The following SUPT3H variants were observed in gnomAD, a reference collection of about 807,000 sequenced individuals.
SUPT3H encodes SPT3 homolog, SAGA and STAGA complex component.
A neutral mutation model predicts 44.3 loss-of-function variants in SUPT3H; 44 were observed. That is an observed-to-expected ratio of 0.99 (90% CI 0.78 to 1.28). The LOEUF is 1.28. SUPT3H is among the 50% of genes most tolerant of loss of function. The pLI is 0.00. For synonymous variants in SUPT3H, 124 were observed against 125.6 expected (o/e 0.99, Z 0.09); for missense variants, 380 against 387.1 (o/e 0.98, Z 0.15).
At chr6:45,007,344 C>T (rs985439903) in intron 5 of SUPT3H, among the ~76,000 whole-genome samples, 1 of 151,940 alleles carries the variant, frequency 6.6e-6, no homozygotes, top group Admixed American at 6.6e-5. Flanking sequence ...TTAATAATTG[C>T]CTCTCCTCCA....
At chr6:45,150,720 G>GT (rs11319902) in intron 2 of SUPT3H, among the ~76,000 whole-genome samples, 39,677 of 99,064 alleles carry the variant, frequency 0.4, 10,459 homozygotes, top group East Asian at 0.68. Flanking sequence ...TTTATTCTGC[G>GT]TTTTTTTTTT....
intron 10 of SUPT3H, among the ~76,000 whole-genome samples, chr6:44,880,630 A>C (rs1325036296): frequency 6.6e-6 from 1 of 152,196 alleles, no homozygotes; most frequent in Admixed American, 6.5e-5. Context: ...TAATCATCAG[A>C]TTCACCAAGG....
intron 6 of SUPT3H, among the ~76,000 whole-genome samples, chr6:45,002,005 C>T (rs1022730878): frequency 6.6e-6 from 1 of 152,016 alleles, no homozygotes; most frequent in African/African-American, 2.4e-5. Context: ...AATATAAAAG[C>T]TACTCTGTTA....
Position 44,902,913 on chromosome 6 carries a change from C to T in SUPT3H, c.912+29740G>A, listed in dbSNP as rs191728654. 3.4e-3 allele frequency among the ~76,000 whole-genome samples: 511 copies of T among 152,258 alleles called. 1 individual carries two copies. Among genetic ancestry groups the T allele is most frequent in the Non-Finnish European group, 4.8e-3 (328 of 68,018 alleles). ...GCTCAACTACATGGAAACTGAACAA[C>T]CTGCTCCTGAATGACTACTGGGTAC... is the stretch of plus-strand genomic sequence containing the variant. On this transcript the variant is annotated intron_variant, in intron 10 of 10. Coordinates refer to ENST00000371459, the MANE Select transcript of SUPT3H (RefSeq NM_003599.4).
chr6:45,296,591 T>C (rs1781266305), intron 2 of SUPT3H, among the ~76,000 whole-genome samples: 1 of 150,662 alleles, frequency 6.6e-6, no homozygotes, highest in African/African-American at 2.4e-5. Context: ...ATATAAAAAT[T>C]AGCGAGGCGT....
At chr6:45,202,776 T>A (rs534735595) in intron 2 of SUPT3H, among the ~76,000 whole-genome samples, 2 of 152,246 alleles carry the variant, frequency 1.3e-5, no homozygotes, top group Non-Finnish European at 2.9e-5. Flanking sequence ...CAATTCTATT[T>A]AATGAACTAA....
At chr6:45,084,849 G>T (rs1331939439) in intron 3 of SUPT3H, among the ~76,000 whole-genome samples, 2 of 152,152 alleles carry the variant, frequency 1.3e-5, no homozygotes, top group East Asian at 3.9e-4. Context: ...TCCTAAGTGA[G>T]TTAATGCAGG....
At chr6:45,339,332 A>C (rs942053246) in intron 2 of SUPT3H, among the ~76,000 whole-genome samples, 1 of 152,176 alleles carries the variant, frequency 6.6e-6, no homozygotes, top group Admixed American at 6.5e-5. Flanking sequence ...TTTTAAAACA[A>C]AACTCCCTAG....
chr6:45,195,587 A>G (rs565500367), intron 2 of SUPT3H, among the ~76,000 whole-genome samples: 1 of 152,300 alleles, frequency 6.6e-6, no homozygotes, highest in South Asian at 2.1e-4. Flanking sequence ...AAAGTCTGTC[A>G]TATCAAATTA....
At chr6:45,345,620 A>G (rs1285160875) in intron 2 of SUPT3H, among the ~76,000 whole-genome samples, 1 of 152,110 alleles carries the variant, frequency 6.6e-6, no homozygotes, top group Non-Finnish European at 1.5e-5. Flanking sequence ...AACCTATGCA[A>G]TATCACTTAC....
intron 10 of SUPT3H, among the ~76,000 whole-genome samples, chr6:44,877,258 G>A (rs1173009972): frequency 3.9e-5 from 6 of 152,158 alleles, no homozygotes; most frequent in African/African-American, 1.4e-4. Context: ...CCTGAGGTCA[G>A]GAGTTCAAGA....
intron 2 of SUPT3H, among the ~76,000 whole-genome samples, chr6:45,106,827 C>T (rs571168301): frequency 4.6e-5 from 7 of 152,320 alleles, no homozygotes; most frequent in South Asian, 2.1e-4. Flanking sequence ...TGAGTCACCA[C>T]GCCCGCCTTG....
downstream of SUPT3H, among the ~76,000 whole-genome samples, chr6:44,809,107 C>T (rs1440978688): frequency 1.3e-5 from 2 of 152,196 alleles, no homozygotes; most frequent in African/African-American, 4.8e-5. Context: ...ACTCAATCTT[C>T]TTACTTAAAA....
chr6:45,067,349 C>G (rs1454859757), intron 3 of SUPT3H, among the ~76,000 whole-genome samples: 6 of 127,752 alleles, frequency 4.7e-5, no homozygotes, highest in African/African-American at 8.2e-5. Context: ...AGACCTAAAA[C>G]CATAAAAACC....
At chr6:45,112,992 T>G (rs1266201852) in intron 2 of SUPT3H, among the ~76,000 whole-genome samples, 9 of 151,304 alleles carry the variant, frequency 5.9e-5, no homozygotes, top group Non-Finnish European at 8.8e-5. Context: ...TAGTTCTGGT[T>G]TTTTTGGATG....
chr6:45,159,092 T>A (rs1385613286), intron 2 of SUPT3H: 1 of 152,242 alleles, frequency 6.6e-6, no homozygotes, highest in African/African-American at 2.4e-5. Flanking sequence ...CTGAAGGGGA[T>A]GACCAAGATG....
intron 9 of SUPT3H, among the ~76,000 whole-genome samples, chr6:44,947,833 G>T (rs1212634572): frequency 6.6e-6 from 1 of 152,036 alleles, no homozygotes; most frequent in Non-Finnish European, 1.5e-5. Context: ...TACAATAAAT[G>T]GATTTTAATT....
rs1774587759 is a variant in SUPT3H, at chr6:44,861,108, G to A, written c.913-31251C>T. Among the ~76,000 whole-genome samples the A allele has an allele frequency of 3.9e-5, 6 of 152,024 alleles. 1 individual carries two copies. The South Asian group carries it at 1.2e-3, about 32-fold the overall frequency. On this transcript the variant is annotated intron_variant, in intron 10 of 10. Coordinates refer to ENST00000371459, the MANE Select transcript of SUPT3H (RefSeq NM_003599.4). Reference sequence around the variant, plus strand: ...TTTGTTTTTTTATTTTTTGGATACAGGGTGTCACTCTGTGATTCAGGCTGG... The same window carrying A: ...TTTGTTTTTTTATTTTTTGGATACAAGGTGTCACTCTGTGATTCAGGCTGG...
chr6:45,261,064 A>T (rs1445766050), intron 2 of SUPT3H, among the ~76,000 whole-genome samples: 1 of 152,104 alleles, frequency 6.6e-6, no homozygotes, highest in African/African-American at 2.4e-5. Flanking sequence ...TAATTTTTTT[A>T]AAACCCTACC....
Sources: allele counts gnomAD v4.1 joint callset (sites outside exome capture counted in the v4.1 genomes callset), GRCh38; gene constraint gnomAD v4.1.1; transcripts MANE v1.5; gene names NCBI Gene and HGNC (gene_info 2026-07-23, HGNC 2026-07-21).